Variants in GTF2E2 observed in about 807,000 individuals in gnomAD.
GTF2E2 encodes the protein transcription initiation factor IIE subunit beta.
GTF2E2 carries 21 observed loss-of-function variants against 40.5 expected under a neutral mutation model. The observed-to-expected ratio is 0.52, with a 90% CI of 0.37 to 0.75. The LOEUF (loss-of-function observed/expected upper bound fraction) is 0.75. GTF2E2 is among the 30% of genes least tolerant of loss of function. The pLI, the probability that GTF2E2 is intolerant of heterozygous loss-of-function variation, is 0.00. For missense variants in GTF2E2, 298 were observed against 338.4 expected, an observed-to-expected ratio of 0.88 and a Z score of 0.94; for synonymous variants, 117 against 121.6, an observed-to-expected ratio of 0.96 and a Z score of 0.25.
Position 30,624,192 on chromosome 8 carries a change from G to A in GTF2E2, c.259-9477C>T, listed in dbSNP as rs563119409. ...CCATCTTGAATTAATTTTTGTATAC[G>A]GTGTAAGGAAGGGATCCAGTTTCAG... On this transcript the variant is annotated intron_variant, in intron 3 of 7. Transcript: ENST00000355904. 5.3e-5 allele frequency among the ~76,000 whole-genome samples: 8 copies of A among 152,112 alleles called. No individual in the cohort carries two copies. The South Asian group carries it at 8.3e-4, about 16-fold the overall frequency.
rs1406697368 is a variant in GTF2E2 at position 30,587,156 on chromosome 8, A to AAT, written c.644-6761_644-6760insAT. On this transcript the variant is annotated intron_variant, in intron 6 of 7. Coordinates refer to ENST00000355904, the MANE Select transcript of GTF2E2 (RefSeq NM_002095.6). Reference sequence around the variant, plus strand: ...GCAGGTGCCACAACTCATGCCTATAATCCCAGCACTTTGGGAGGGCGAGGC... The same window carrying AAT: ...GCAGGTGCCACAACTCATGCCTATAAATTCCCAGCACTTTGGGAGGGCGAGGC... Among the ~76,000 whole-genome samples, 5 of 152,238 alleles carry AAT rather than the reference A, an allele frequency of 3.3e-5. No homozygotes were observed. The East Asian group carries it at 9.6e-4, about 29-fold the overall frequency.
chr8:30,614,849 A>G (rs1800868280), intron 3 of GTF2E2, 134 bp from the exon 4 acceptor site: 1 of 580,622 alleles, frequency 1.7e-6, no homozygotes, highest in Admixed American at 3.3e-5. Flanking sequence ...AGTGACGAAG[A>G]GCCATAGACC....
chr8:30,641,187 G>C (rs1801810618), intron 2 of GTF2E2, among the ~76,000 whole-genome samples: 1 of 152,062 alleles, frequency 6.6e-6, no homozygotes, highest in Non-Finnish European at 1.5e-5. Flanking sequence ...AACAAACAAT[G>C]AATGTTTTGA....
intron 6 of GTF2E2, among the ~76,000 whole-genome samples, chr8:30,606,736 T>C (rs1172721646): frequency 3.9e-5 from 6 of 152,224 alleles, no homozygotes; most frequent in Non-Finnish European, 8.8e-5. Flanking sequence ...ATCAAGCTTT[T>C]GTATCAGGAT....
chr8:30,608,116 A>G (rs1829376312), intron 5 of GTF2E2, among the ~76,000 whole-genome samples: 1 of 152,258 alleles, frequency 6.6e-6, no homozygotes, highest in Non-Finnish European at 1.5e-5. Flanking sequence ...AAGACATTTC[A>G]CAATTATTAG....
In GTF2E2 at chr8:30,603,257, G is replaced by C. The variant is rs182814722; in HGVS notation, c.643+3800C>G. ...TCAACAAGGGAATAAAAAGACAACA[G>C]AGGATAAGAGAATGAAAATAAATTA... On this transcript the variant is annotated intron_variant, in intron 6 of 7. Transcript: ENST00000355904. Among the ~76,000 whole-genome samples the C allele has an allele frequency of 1.3e-3, 201 of 152,282 alleles. 2 individuals are homozygous for C. Among genetic ancestry groups the C allele is most frequent in the South Asian group, 0.012 (58 of 4,820 alleles).
intron 3 of GTF2E2, among the ~76,000 whole-genome samples, chr8:30,625,176 C>T (rs564860737): frequency 1.1e-4 from 16 of 152,110 alleles, no homozygotes; most frequent in South Asian, 4.1e-4. Flanking sequence ...TTTTTAGATA[C>T]GTCCCATCAA....
rs1360413544 is a variant in GTF2E2, at chr8:30,580,395, T to C, written c.645A>G (p.Glu215=). ...DKSCQFSVDE[E]FQKLWRSVTV... ...TGACACTCCTCCACAGTTTCTGAAATTCTGTATCAAACAGACACTAGTTAT... is the reference window on the plus strand; with the variant it reads ...TGACACTCCTCCACAGTTTCTGAAACTCTGTATCAAACAGACACTAGTTAT... The change falls in exon 7 of 8, where the codon GAA becomes GAG. Residue 215 remains glutamate, a splice_region_variant and synonymous_variant. Coordinates refer to ENST00000355904, the MANE Select transcript of GTF2E2 (RefSeq NM_002095.6). 6.7e-7 allele frequency: 1 copy of C among 1,490,886 alleles called. No individual in the cohort carries two copies. The highest frequency in any genetic ancestry group is 1.1e-5 in the South Asian group (1 of 88,532). 92.4% of individuals were successfully genotyped at this position (1,490,886 alleles called of 1,614,324 possible).
chr8:30,615,247 C>T (rs563966930), intron 3 of GTF2E2, among the ~76,000 whole-genome samples: 18 of 152,094 alleles, frequency 1.2e-4, no homozygotes, highest in Non-Finnish European at 2.2e-4. Flanking sequence ...CCACTGCACT[C>T]CAGCCTGGGA....
chr8:30,606,748 T>C (rs554675817), intron 6 of GTF2E2, among the ~76,000 whole-genome samples: 3 of 152,336 alleles, frequency 2.0e-5, no homozygotes, highest in African/African-American at 4.8e-5. Flanking sequence ...TATCAGGATA[T>C]GAACTTACAT....
intron 3 of GTF2E2, among the ~76,000 whole-genome samples, chr8:30,615,388 T>C (rs998439708): frequency 9.2e-5 from 14 of 152,156 alleles, no homozygotes; most frequent in Admixed American, 6.5e-5. Flanking sequence ...AACAATCCTA[T>C]TTCTAGAAAC....
intron 6 of GTF2E2, among the ~76,000 whole-genome samples, chr8:30,583,326 T>C (rs1412966304): frequency 6.6e-6 from 1 of 152,134 alleles, no homozygotes; most frequent in Non-Finnish European, 1.5e-5. Flanking sequence ...ACAGCGAGAC[T>C]CCATCTCAAA....
intron 6 of GTF2E2, among the ~76,000 whole-genome samples, chr8:30,599,566 G>A (rs1257708238): frequency 3.1e-5 from 4 of 129,788 alleles, no homozygotes; most frequent in Admixed American, 7.8e-5. Context: ...GCAACAGAGC[G>A]AGAGTTTGTC....
Position 30,614,493 on chromosome 8 carries a change from G to C in GTF2E2, c.366+115C>G, listed in dbSNP as rs943089793. On this transcript the variant is annotated intron_variant, in intron 4 of 7. Coordinates refer to ENST00000355904, the MANE Select transcript of GTF2E2 (RefSeq NM_002095.6). ...TACTCGGGAGGCTGAGTCAGCAGTG[G>C]GCTGAGATCATGCCACTGCACTCTA... 2.2e-5 allele frequency: 13 copies of C among 593,366 alleles called. No individual in the cohort carries two copies. In the South Asian group the frequency reaches 2.7e-4, roughly 12 times the overall value. 36.8% of individuals were successfully genotyped at this position (593,366 alleles called of 1,614,324 possible).
chr8:30,652,610 C>T (rs1008074819), intron 2 of GTF2E2, among the ~76,000 whole-genome samples: 5 of 151,218 alleles, frequency 3.3e-5, no homozygotes, highest in Non-Finnish European at 7.4e-5. Flanking sequence ...AACCCTGATA[C>T]ATTGCTGGAG....
intron 6 of GTF2E2, among the ~76,000 whole-genome samples, chr8:30,581,100 G>T (rs1297693222): frequency 6.6e-6 from 1 of 152,190 alleles, no homozygotes; most frequent in Non-Finnish European, 1.5e-5. Context: ...TTCTGCTCCT[G>T]AAGACAGGTT....
intron 6 of GTF2E2, among the ~76,000 whole-genome samples, chr8:30,586,272 C>A (rs903001508): frequency 6.6e-6 from 1 of 152,120 alleles, no homozygotes; most frequent in African/African-American, 2.4e-5. Flanking sequence ...ACATTTGAGA[C>A]CTATCAAAAT....
At chr8:30,597,122 C>A (rs1227756126) in intron 6 of GTF2E2, 1 of 152,502 alleles carries the variant, frequency 6.6e-6, no homozygotes, top group Admixed American at 6.5e-5. Flanking sequence ...CAAACACTGT[C>A]TTCCTTGGTG....
intron 2 of GTF2E2, among the ~76,000 whole-genome samples, chr8:30,642,994 C>A (rs1020353207): frequency 6.6e-6 from 1 of 152,086 alleles, no homozygotes; most frequent in Non-Finnish European, 1.5e-5. Context: ...TTGTTGCCCA[C>A]GCTGGAGTGC....
Sources: allele counts gnomAD v4.1 joint callset (sites outside exome capture counted in the v4.1 genomes callset), GRCh38; gene constraint gnomAD v4.1.1; transcripts MANE v1.5; gene names NCBI Gene and HGNC (gene_info 2026-07-23, HGNC 2026-07-21).